The following ALG14 variants were observed in gnomAD, a reference collection of about 807,000 sequenced individuals.
The protein encoded by ALG14 is ALG14 UDP-N-acetylglucosaminyltransferase subunit, also known as UDP-N-acetylglucosamine transferase subunit ALG14.
A neutral mutation model predicts 22.8 loss-of-function variants in ALG14; 17 were observed. The observed-to-expected ratio is 0.75, with a 90% CI of 0.51 to 1.12. The LOEUF is 1.12. ALG14 is among the 50% of genes most tolerant of loss of function. The pLI is 0.00. For missense variants in ALG14, 288 were observed against 271.8 expected (o/e 1.06, Z -0.42); for synonymous variants, 89 against 103.7 (o/e 0.86, Z 0.86).
intron 3 of ALG14, among the ~76,000 whole-genome samples, chr1:95,021,450 C>T (rs1356509726): frequency 2.0e-5 from 3 of 152,196 alleles, no homozygotes; most frequent in Non-Finnish European, 2.9e-5. Flanking sequence ...GAGAGCAGCA[C>T]CCTTCTGAGG....
rs777189804 is a variant in ALG14 at position 95,027,108 on chromosome 1, C to T, written c.420+21G>A. ...TCTACAGGGAGTTACTTTCTCTCTCCTTAGTGATGGTCTTACTTACCAAAT... is the reference window on the plus strand; with the variant it reads ...TCTACAGGGAGTTACTTTCTCTCTCTTTAGTGATGGTCTTACTTACCAAAT... On this transcript the variant is annotated intron_variant, in intron 3 of 3. Transcript: ENST00000370205. 3.1e-6 allele frequency: 5 copies of T among 1,613,346 alleles called. No homozygotes were observed. The Admixed American group carries it at 5.0e-5, about 16-fold the overall frequency.
At chr1:95,072,504 T>G (rs189828427) in intron 1 of ALG14, among the ~76,000 whole-genome samples, 1 of 152,162 alleles carries the variant, frequency 6.6e-6, no homozygotes, top group Non-Finnish European at 1.5e-5. Flanking sequence ...GTTCACTAAT[T>G]GTTTGAAAAA....
chr1:95,030,886 G>C (rs573277778), intron 2 of ALG14, among the ~76,000 whole-genome samples: 1 of 152,164 alleles, frequency 6.6e-6, no homozygotes, highest in Non-Finnish European at 1.5e-5. Flanking sequence ...CATGTTCTGG[G>C]GTGGGAACTG....
chr1:95,028,390 G>A (rs975597069), intron 2 of ALG14, among the ~76,000 whole-genome samples: 2 of 152,140 alleles, frequency 1.3e-5, no homozygotes, highest in Non-Finnish European at 2.9e-5. Context: ...GTATAGACAG[G>A]TTCTCGCCAT....
In ALG14 at chr1:94,975,020, A is replaced by T. The variant is rs1672367960; in HGVS notation, c.*8056T>A. ...GTCAATTGGAATGTCTACAGATACCATAAAATTCACCCAGTATACAATTCA... is the reference window on the plus strand; with the variant it reads ...GTCAATTGGAATGTCTACAGATACCTTAAAATTCACCCAGTATACAATTCA... On this transcript the variant is annotated 3_prime_UTR_variant, in exon 4 of 4. Coordinates refer to ENST00000370205, the MANE Select transcript of ALG14 (RefSeq NM_144988.4). 6.6e-6 allele frequency: 1 copy of T among 152,266 alleles called. No individual in the cohort carries two copies. The allele number at this position is 152,266 out of a possible 1,614,324, so 9.4% of individuals were successfully genotyped here.
chr1:95,002,225 A>T (rs1673087293), intron 3 of ALG14, among the ~76,000 whole-genome samples: 1 of 152,092 alleles, frequency 6.6e-6, no homozygotes, highest in Admixed American at 6.6e-5. Flanking sequence ...GCCAATATTG[A>T]TAAAGCCCTG....
intron 2 of ALG14, chr1:95,061,669 C>T (rs1571674212): frequency 1.3e-5 from 2 of 152,234 alleles, no homozygotes; most frequent in African/African-American, 4.8e-5. Context: ...TCTTCCTGTA[C>T]ATTATCTTCA....
intron 3 of ALG14, among the ~76,000 whole-genome samples, chr1:95,017,559 A>G (rs1392700416): frequency 6.6e-6 from 1 of 152,170 alleles, no homozygotes; most frequent in African/African-American, 2.4e-5. Context: ...GGGCTTCAAC[A>G]TGATCCCAAT....
chr1:95,036,781 T>C (rs767539052), intron 2 of ALG14, among the ~76,000 whole-genome samples: 4 of 152,166 alleles, frequency 2.6e-5, no homozygotes, highest in Non-Finnish European at 5.9e-5. Context: ...TATAGCAGCA[T>C]GAGAACAGAC....
At chr1:95,070,984 G>A (rs142821484) in intron 1 of ALG14, among the ~76,000 whole-genome samples, 34 of 152,162 alleles carry the variant, frequency 2.2e-4, no homozygotes, top group African/African-American at 7.2e-4. Flanking sequence ...CAAGCAATCC[G>A]CCTGTATCGG....
At chr1:95,018,341 G>C (rs1159836750) in intron 3 of ALG14, among the ~76,000 whole-genome samples, 1 of 152,030 alleles carries the variant, frequency 6.6e-6, no homozygotes, top group Non-Finnish European at 1.5e-5. Context: ...TTTCAGACCA[G>C]CCTGGCCAAC....
chr1:94,990,681 ATCT>A (rs1371602511), intron 3 of ALG14, among the ~76,000 whole-genome samples: 12 of 152,222 alleles, frequency 7.9e-5, no homozygotes, highest in Non-Finnish European at 7.3e-5. Context: ...AATAGCTTTC[ATCT>A]TCTTTTAAAC....
intron 3 of ALG14, among the ~76,000 whole-genome samples, chr1:95,020,698 A>G (rs1673635493): frequency 6.7e-6 from 1 of 149,864 alleles, no homozygotes; most frequent in Non-Finnish European, 1.5e-5. Context: ...AGATCACACC[A>G]TTGCACTCCA....
chr1:95,050,862 A>ATTTT (rs34383912), intron 2 of ALG14, among the ~76,000 whole-genome samples: 1 of 131,982 alleles, frequency 7.6e-6, no homozygotes, highest in African/African-American at 2.9e-5. Context: ...TCCCTGGGTA[A>ATTTT]TTTTTTTTTT....
chr1:95,031,912 G>T (rs1437796431), intron 2 of ALG14, among the ~76,000 whole-genome samples: 2 of 152,108 alleles, frequency 1.3e-5, no homozygotes, highest in African/African-American at 4.8e-5. Flanking sequence ...CAGTTCAAGA[G>T]ACTCTCCTGC....
intron 2 of ALG14, among the ~76,000 whole-genome samples, chr1:95,030,452 C>G (rs1467091833): frequency 6.6e-6 from 1 of 152,098 alleles, no homozygotes; most frequent in South Asian, 2.1e-4. Flanking sequence ...AGAATTCCAT[C>G]ATAGAAGTTT....
At chr1:95,064,614 C>A (rs1304334905) in intron 2 of ALG14, among the ~76,000 whole-genome samples, 1 of 152,200 alleles carries the variant, frequency 6.6e-6, no homozygotes, top group African/African-American at 2.4e-5. Context: ...ATCAACCTTG[C>A]ATCCCGGGTA....
At chr1:95,051,105 A>G (rs1557648383) in intron 2 of ALG14, among the ~76,000 whole-genome samples, 1 of 152,034 alleles carries the variant, frequency 6.6e-6, no homozygotes, top group Non-Finnish European at 1.5e-5. Flanking sequence ...CAAAATCTAT[A>G]TTATAGACCA....
chr1:95,036,073 T>G (rs1419732235), intron 2 of ALG14, among the ~76,000 whole-genome samples: 3 of 152,192 alleles, frequency 2.0e-5, no homozygotes, highest in Non-Finnish European at 2.9e-5. Context: ...CTTCAAGTAC[T>G]TGGTAGATAC....
Sources: gnomAD v4.1 joint callset for allele counts (sites outside exome capture counted in the v4.1 genomes callset) on GRCh38, gnomAD v4.1.1 for gene constraint, MANE v1.5 for transcripts, NCBI Gene and HGNC (gene_info 2026-07-23, HGNC 2026-07-21) for gene names.